Variants in RAI1 observed in about 807,000 individuals in gnomAD.
The protein encoded by RAI1 is retinoic acid induced 1.
Under a neutral mutation model 123.8 loss-of-function variants are expected in RAI1, and 9 were observed. That is an observed-to-expected ratio of 0.07 (90% CI 0.04 to 0.13). The LOEUF (loss-of-function observed/expected upper bound fraction) is 0.13, where lower values mean the gene tolerates loss of function less well. RAI1 is among the 10% of genes least tolerant of loss of function. RAI1 has a pLI of 1.00. For missense variants in RAI1, 2,256 were observed against 2,545.8 expected (o/e 0.89, Z 2.45); for synonymous variants, 1,231 against 1,127.3 (o/e 1.09, Z -1.84).
rs760854027 is a variant in RAI1, at chr17:17,793,787, AGCAGCAGCAG to A, written c.840_849del (p.Gln280HisfsTer81). 2.2e-3 allele frequency: 3,260 copies of A among 1,515,548 alleles called. 60 individuals carry two copies. The African/African-American group carries it at 0.038, about 17-fold the overall frequency. 93.9% of individuals were successfully genotyped at this position (1,515,548 alleles called of 1,614,324 possible). On this transcript the variant is annotated frameshift_variant, in exon 3 of 6. Transcript: ENST00000353383. LOFTEE classifies it high-confidence loss of function. ...GGCCGCCTCAGCTATGACCAGCAGCAGCAGCAGCAGCAGCAGCAGCAGCAGCAGCAGCAAG... is the reference window on the plus strand; with the variant it reads ...GGCCGCCTCAGCTATGACCAGCAGCACAGCAGCAGCAGCAGCAGCAGCAAG...
At position 17,799,828 on chromosome 17, in the gene RAI1, C is replaced by T. The variant is rs560472129; in HGVS notation, c.5565+1315C>T. Among the ~76,000 whole-genome samples, 3 of 152,170 alleles carry T rather than the reference C, an allele frequency of 2.0e-5. No individual in the cohort carries two copies. Among genetic ancestry groups the T allele is most frequent in the Non-Finnish European group, 2.9e-5 (2 of 68,012 alleles). On this transcript the variant is annotated intron_variant, in intron 3 of 5. Transcript: ENST00000353383. The surrounding 1 kb of genome is among the most constrained non-coding windows in gnomAD (Gnocchi z 4.5). ...TGCCCACCTGCTCCTCGCAGTACAC[C>T]CCTGCAGCCCCTCTGAGCAGCCCCT...
intron 2 of RAI1, among the ~76,000 whole-genome samples, chr17:17,787,889 G>A (rs1161504500): frequency 1.3e-5 from 2 of 152,184 alleles, no homozygotes; most frequent in Non-Finnish European, 2.9e-5. Flanking sequence ...CCACAGCTGG[G>A]TCCCTGGAGG....
intron 3 of RAI1, 87 bp from the exon 4 acceptor site, chr17:17,803,669 A>G: frequency 8.0e-7 from 1 of 1,245,642 alleles, no homozygotes; most frequent in African/African-American, 1.5e-5. Flanking sequence ...TACAGGCATG[A>G]GCCACTGCAC....
At chr17:17,790,842 G>T (rs972399785) in intron 2 of RAI1, among the ~76,000 whole-genome samples, 1 of 152,156 alleles carries the variant, frequency 6.6e-6, no homozygotes, top group Non-Finnish European at 1.5e-5. Flanking sequence ...GCACAGGCCC[G>T]CCTGGGCTGC....
In RAI1 at chr17:17,811,181, C is replaced by T. The variant is rs1567944623; in HGVS notation, c.*1200C>T. The T allele has an allele frequency of 6.2e-6, 2 of 320,474 alleles. No homozygotes were observed. Among genetic ancestry groups the T allele is most frequent in the Non-Finnish European group, 6.1e-6 (1 of 163,980 alleles). 19.9% of individuals were successfully genotyped at this position (320,474 alleles called of 1,614,324 possible). Reference sequence around the variant, plus strand: ...AGGGCCGCCCTAGCAACTTCCTGTACATATGACTGTAAAATGGTAAACGTG... The same window carrying T: ...AGGGCCGCCCTAGCAACTTCCTGTATATATGACTGTAAAATGGTAAACGTG... On this transcript the variant is annotated 3_prime_UTR_variant, in exon 6 of 6. Coordinates refer to ENST00000353383, the MANE Select transcript of RAI1 (RefSeq NM_030665.4).
chr17:17,755,985 C>T (rs907046158), intron 2 of RAI1, among the ~76,000 whole-genome samples: 5 of 152,212 alleles, frequency 3.3e-5, no homozygotes, highest in African/African-American at 1.2e-4. Context: ...GTGCGGCCCT[C>T]GGTGCACCCA....
At chr17:17,726,232 A>AG (rs1298939441) in intron 2 of RAI1, among the ~76,000 whole-genome samples, 3 of 152,198 alleles carry the variant, frequency 2.0e-5, no homozygotes, top group Non-Finnish European at 4.4e-5. Flanking sequence ...GGTAGAGGGA[A>AG]GGGAGAGGCC....
chr17:17,808,428 T>G (rs2143006247), intron 4 of RAI1, among the ~76,000 whole-genome samples: 1 of 114,418 alleles, frequency 8.7e-6, no homozygotes, highest in Non-Finnish European at 1.9e-5. Flanking sequence ...TTTTATTTTA[T>G]TTTATTTTAT....
chr17:17,770,741 C>T (rs552230522), intron 2 of RAI1: 15 of 152,420 alleles, frequency 9.8e-5, no homozygotes, highest in African/African-American at 3.6e-4. Flanking sequence ...GCTCACACAC[C>T]CTGCCGTCTT....
intron 1 of RAI1, among the ~76,000 whole-genome samples, chr17:17,702,479 G>A (rs758584154): frequency 3.8e-4 from 58 of 152,226 alleles, no homozygotes; most frequent in Non-Finnish European, 8.2e-4. Flanking sequence ...TAGCAGTGGG[G>A]CCTGCTGCCC....
chr17:17,783,305 C>T (rs1373378889), intron 2 of RAI1, among the ~76,000 whole-genome samples: 2 of 152,066 alleles, frequency 1.3e-5, no homozygotes, highest in African/African-American at 2.4e-5. Context: ...CCGGCAGAGC[C>T]CGAGGTTGCC....
chr17:17,792,855 G>T (rs926468054), intron 2 of RAI1, 78 bp from the exon 3 acceptor site: 5 of 1,159,138 alleles, frequency 4.3e-6, no homozygotes, highest in Admixed American at 2.0e-5. Flanking sequence ...CGTCTGAATC[G>T]CTCATCCTCT....
chr17:17,694,805 C>T (rs1459292694), intron 1 of RAI1, among the ~76,000 whole-genome samples: 3 of 150,546 alleles, frequency 2.0e-5, no homozygotes, highest in African/African-American at 7.3e-5. Flanking sequence ...GCGCCCGGCC[C>T]GGCATGCTTC....
At chr17:17,785,909 C>T (rs115013055) in intron 2 of RAI1, among the ~76,000 whole-genome samples, 389 of 152,374 alleles carry the variant, frequency 2.6e-3, no homozygotes, top group African/African-American at 8.6e-3. Flanking sequence ...TGATCAAATT[C>T]AGGCCACAGA....
In RAI1 at chr17:17,723,068, G is replaced by T. The variant is rs535557980; in HGVS notation, c.-148-960G>T. Among the ~76,000 whole-genome samples, 47 of 152,176 alleles carry T rather than the reference G, an allele frequency of 3.1e-4. 1 individual carries two copies. In the South Asian group the frequency reaches 9.3e-3, roughly 30 times the overall value. On this transcript the variant is annotated intron_variant, in intron 1 of 5. Transcript: ENST00000353383. ...ACCCAAAGCCCCGTACAGGCGCACT[G>T]CCCCTACATGCGCAGCCCCACGGCC... is the stretch of plus-strand genomic sequence containing the variant.
intron 2 of RAI1, chr17:17,779,215 C>G (rs2031468443): frequency 3.1e-6 from 1 of 326,356 alleles, no homozygotes; most frequent in Admixed American, 4.2e-5. Flanking sequence ...GCCTCTGGAG[C>G]AGTGGCTGGC....
rs1037135822 is a variant in RAI1 at position 17,800,158 on chromosome 17, C to T, written c.5565+1645C>T. Among the ~76,000 whole-genome samples the T allele has an allele frequency of 6.6e-6, 1 of 150,964 alleles. No homozygotes were observed. Among genetic ancestry groups the T allele is most frequent in the East Asian group, 2.0e-4 (1 of 5,078 alleles). On this transcript the variant is annotated intron_variant, in intron 3 of 5. Transcript: ENST00000353383. This position sits in a 1 kb window ranked among gnomAD's most constrained non-coding sequence, Gnocchi z 4.7. ...TCCCAGTTAGTGATTTTTTGCCTCT[C>T]TCCTGCTTTCTGTCTCTCTCTGTCT...
rs766592531 is a variant in RAI1 at position 17,794,249 on chromosome 17, G to A, written c.1301G>A (p.Ser434Asn). 3 of 1,613,218 alleles carry A rather than the reference G, an allele frequency of 1.9e-6. No individual in the cohort carries two copies. In the African/African-American group the frequency reaches 4.0e-5, roughly 22 times the overall value. ...ENLLSDLSLQSLTALTSQVEN... is the reference protein window; with the variant it reads ...ENLLSDLSLQNLTALTSQVEN... Reference sequence around the variant, plus strand: ...CTGCTGTCGGATCTCAGCCTGCAGAGCCTCACGGCGCTGACCTCACAGGTG... The same window carrying A: ...CTGCTGTCGGATCTCAGCCTGCAGAACCTCACGGCGCTGACCTCACAGGTG... Residue 434 changes from serine (S) to asparagine (N), a missense_variant, in exon 3 of 6, where the codon AGC becomes AAC. Physicochemically the swap from Ser to Asn is conservative, Grantham distance 46. Transcript: ENST00000353383.
intron 1 of RAI1, among the ~76,000 whole-genome samples, chr17:17,699,731 C>T (rs901556311): frequency 2.0e-5 from 3 of 152,212 alleles, no homozygotes; most frequent in African/African-American, 7.2e-5. Flanking sequence ...CCCTGCTTCC[C>T]CCGGCCACAG....
Sources: gnomAD v4.1 joint callset for allele counts (sites outside exome capture counted in the v4.1 genomes callset) on GRCh38, gnomAD v4.1.1 for gene constraint, Gnocchi (gnomAD v3.1) non-coding constraint, MANE v1.5 for transcripts, NCBI Gene and HGNC (gene_info 2026-07-23, HGNC 2026-07-21) for gene names.